Variants in STIL observed in about 807,000 individuals in gnomAD.
The protein encoded by STIL is SCL-interrupting locus protein.
In STIL, 55 loss-of-function variants were observed where a neutral mutation model predicts 110.1. The observed-to-expected ratio is 0.50, with a 90% confidence interval of 0.40 to 0.63. The LOEUF (loss-of-function observed/expected upper bound fraction) is 0.63, where lower values mean the gene tolerates loss of function less well. Ranked by LOEUF, STIL falls within the 20% of genes least tolerant of loss-of-function variation. The pLI, the probability that STIL is intolerant of heterozygous loss-of-function variation, is 0.00. For missense variants in STIL, 1,358 were observed against 1,530.0 expected (o/e 0.89, Z 1.87); for synonymous variants, 481 against 530.0 (o/e 0.91, Z 1.27).
intron 2 of STIL, among the ~76,000 whole-genome samples, chr1:47,309,577 A>C (rs1254850046): frequency 6.6e-6 from 1 of 152,200 alleles, no homozygotes; most frequent in South Asian, 2.1e-4. Context: ...CAGAGAATAA[A>C]GGCGACCCAT....
intron 3 of STIL, among the ~76,000 whole-genome samples, chr1:47,303,682 T>TA (rs1450573154): frequency 2.6e-5 from 4 of 151,660 alleles, no homozygotes; most frequent in Non-Finnish European, 1.5e-5. Context: ...AAGACAACAA[T>TA]AAAAAAAATA....
At chr1:47,265,391 A>G (rs750187138) in intron 14 of STIL, among the ~76,000 whole-genome samples, 2 of 152,104 alleles carry the variant, frequency 1.3e-5, no homozygotes, top group Non-Finnish European at 2.9e-5. Flanking sequence ...CTCAGTTTCT[A>G]TAATTATTCT....
chr1:47,275,720 G>C lies in STIL; in HGVS notation c.2218-3479C>G, dbSNP rs1202627322. 2.6e-5 allele frequency among the ~76,000 whole-genome samples: 4 copies of C among 152,102 alleles called. No homozygotes were observed. The East Asian group carries it at 7.7e-4, about 29-fold the overall frequency. On this transcript the variant is annotated intron_variant, in intron 12 of 16. Transcript: ENST00000371877. ...GCTCACTGCAGCCTCAGCTTCCTAG[G>C]CTGAAGCAATCCTCCTGCTTCAGTC...
chr1:47,251,324 G>C lies in STIL; in HGVS notation c.3679C>G (p.Pro1227Ala). The C allele has an allele frequency of 6.2e-7, 1 of 1,614,164 alleles. No individual in the cohort carries two copies. Among genetic ancestry groups the C allele is most frequent in the Non-Finnish European group, 8.5e-7 (1 of 1,180,024 alleles). The change falls in exon 17 of 17, where the codon CCT becomes GCT. Residue 1227 changes from proline to alanine, a missense_variant. By Grantham distance (27) the Pro-to-Ala change is conservative (BLOSUM62 -1). Coordinates refer to ENST00000371877, the MANE Select transcript of STIL (RefSeq NM_001048166.1). ...AFLVKNLKPSPAVNLRTGKAE... is the reference protein window; with the variant it reads ...AFLVKNLKPSAAVNLRTGKAE... ...TTCCCGGTTCGAAGGTTCACTGCAGGACTTGGTTTAAGGTTCTTTACTAAG... is the reference window on the plus strand; with the variant it reads ...TTCCCGGTTCGAAGGTTCACTGCAGCACTTGGTTTAAGGTTCTTTACTAAG...
chr1:47,279,855 T>C (rs1024203706), intron 12 of STIL, among the ~76,000 whole-genome samples: 2 of 152,002 alleles, frequency 1.3e-5, no homozygotes, highest in African/African-American at 2.4e-5. Context: ...TCTAACTATA[T>C]AGATAGGCAT....
intron 3 of STIL, among the ~76,000 whole-genome samples, 159 bp downstream of exon 3, chr1:47,304,730 G>A (rs1167643639): frequency 6.6e-6 from 1 of 152,194 alleles, no homozygotes; most frequent in East Asian, 1.9e-4. Context: ...ACAAGGAACA[G>A]ATGTTAAGAA....
chr1:47,287,180 C>T (rs1557748526), intron 10 of STIL, among the ~76,000 whole-genome samples: 1 of 152,026 alleles, frequency 6.6e-6, no homozygotes, highest in Non-Finnish European at 1.5e-5. Context: ...CTGGCCAATA[C>T]AGCGAGACCC....
At position 47,262,984 on chromosome 1, in the gene STIL, T is replaced by G; in HGVS notation, c.2748A>C (p.Ser916=). Residue 916 remains serine (S), a synonymous_variant, in exon 15 of 17, where the codon TCA becomes TCC. Transcript: ENST00000371877. ...TGGASNNSET[S]EEPKIEHVMQ... is the part of the protein sequence containing the mutation. ...TTACATGCTCAATTTTTGGTTCCTC[T>G]GATGTTTCAGAATTGTTACTGGCAC... 1 of 1,614,208 alleles carries G rather than the reference T, an allele frequency of 6.2e-7. No homozygotes were observed. The highest frequency in any genetic ancestry group is 8.5e-7 in the Non-Finnish European group (1 of 1,180,032).
intron 10 of STIL, among the ~76,000 whole-genome samples, chr1:47,284,296 A>G (rs1332631987): frequency 2.0e-5 from 3 of 152,216 alleles, no homozygotes; most frequent in African/African-American, 7.2e-5. Flanking sequence ...CATTTTGATA[A>G]CATTTAAAAT....
intron 12 of STIL, among the ~76,000 whole-genome samples, chr1:47,276,135 G>A (rs907125536): frequency 9.2e-5 from 14 of 151,540 alleles, no homozygotes; most frequent in African/African-American, 1.5e-4. Context: ...CCTAAGTAGC[G>A]GGATTACAGG....
intron 12 of STIL, among the ~76,000 whole-genome samples, chr1:47,276,998 T>TCCAG (rs1453546164): frequency 4.6e-5 from 7 of 152,164 alleles, no homozygotes; most frequent in African/African-American, 1.7e-4. Context: ...GCAGCCATTT[T>TCCAG]CACTCATTCA....
chr1:47,287,630 G>A lies in STIL; in HGVS notation c.1054C>T (p.Arg352Cys), dbSNP rs574341230. Residue 352 changes from arginine (R) to cysteine (C), a missense_variant, in exon 10 of 17, where the codon CGT (arginine) becomes TGT (cysteine). Physicochemically the swap from Arg to Cys is radical, Grantham distance 180. Coordinates refer to ENST00000371877, the MANE Select transcript of STIL (RefSeq NM_001048166.1). ...NVEPPDKNPI[R>C]CELSAESQNA... Reference sequence around the variant, plus strand: ...TGGCTTTCAGCGCTCAGTTCACAACGGATTGGATTTTTGTCAGGAGGTTCA... The same window carrying A: ...TGGCTTTCAGCGCTCAGTTCACAACAGATTGGATTTTTGTCAGGAGGTTCA... 13 of 1,613,296 alleles carry A rather than the reference G, an allele frequency of 8.1e-6. No homozygotes were observed. Among genetic ancestry groups the A allele is most frequent in the Admixed American group, 1.7e-5 (1 of 59,966 alleles).
intron 16 of STIL, among the ~76,000 whole-genome samples, chr1:47,253,214 A>G (rs1399758639): frequency 2.0e-5 from 3 of 152,216 alleles, no homozygotes; most frequent in Non-Finnish European, 4.4e-5. Context: ...TCAGGGAGGT[A>G]TTCTCTATGG....
chr1:47,268,590 A>T (rs915771783), intron 14 of STIL, among the ~76,000 whole-genome samples: 40 of 151,692 alleles, frequency 2.6e-4, no homozygotes, highest in East Asian at 5.8e-4. Context: ...CCCCATCTCT[A>T]AAAAAAATAC....
intron 12 of STIL, among the ~76,000 whole-genome samples, chr1:47,272,994 G>A (rs749275338): frequency 2.0e-5 from 3 of 152,130 alleles, no homozygotes; most frequent in Admixed American, 1.3e-4. Flanking sequence ...CTGAGCGCCT[G>A]TTGTTTGCAA....
intron 2 of STIL, among the ~76,000 whole-genome samples, chr1:47,307,987 C>G (rs1293898410): frequency 1.3e-5 from 2 of 152,108 alleles, no homozygotes; most frequent in Non-Finnish European, 2.9e-5. Context: ...GTAGTCAGAC[C>G]GGTTGATCTG....
In STIL at chr1:47,302,103, T is replaced by C. The variant is rs1415418287; in HGVS notation, c.265+131A>G. 8.5e-6 allele frequency: 6 copies of C among 707,312 alleles called. No homozygotes were observed. In the Admixed American group the frequency reaches 1.4e-4, roughly 16 times the overall value. The allele number at this position is 707,312 out of a possible 1,614,324, so 43.8% of individuals were successfully genotyped here. A position where few individuals can be genotyped will look rare whatever the true frequency, so the allele number is the denominator to read the frequency against. ...AGTAATTTAAAAAAATGTTTTCTTG[T>C]ACTGATGGAGTCTTACTATGTTATG... is the stretch of plus-strand genomic sequence containing the variant. On this transcript the variant is annotated intron_variant, in intron 4 of 16. Transcript: ENST00000371877.
intron 13 of STIL, 88 bp downstream of exon 13, chr1:47,271,988 T>C (rs915122500): frequency 1.4e-6 from 2 of 1,428,766 alleles, no homozygotes; most frequent in East Asian, 2.5e-5. Context: ...TACTGCACCA[T>C]GCACCAATTT....
Position 47,252,021 on chromosome 1 carries a change from C to CT in STIL, c.3081-100dup. Reference sequence around the variant, plus strand: ...TATACAAGCAACAAAAGATCTTCAGCTTTAAGTTCATGGTCCTTTTATCTA... The same window carrying CT: ...TATACAAGCAACAAAAGATCTTCAGCTTTTAAGTTCATGGTCCTTTTATCTA... On this transcript the variant is annotated intron_variant, in intron 16 of 16. Transcript: ENST00000371877. 2.4e-6 allele frequency: 3 copies of CT among 1,274,888 alleles called. No individual in the cohort carries two copies. The South Asian group carries it at 4.4e-5, about 19-fold the overall frequency. The allele number at this position is 1,274,888 out of a possible 1,614,324, so 79.0% of individuals were successfully genotyped here. A position where few individuals can be genotyped will look rare whatever the true frequency, so the allele number is the denominator to read the frequency against.
Sources: allele counts gnomAD v4.1 joint callset (sites outside exome capture counted in the v4.1 genomes callset), GRCh38; gene constraint gnomAD v4.1.1; transcripts MANE v1.5; gene names NCBI Gene and HGNC (gene_info 2026-07-23, HGNC 2026-07-21).